The following FBXL17 variants were observed in gnomAD, a reference collection of about 807,000 sequenced individuals.
The protein encoded by FBXL17 is F-box/LRR-repeat protein 17.
A neutral mutation model predicts 66.2 loss-of-function variants in FBXL17; 22 were observed. That is an observed-to-expected ratio of 0.33 (90% CI 0.24 to 0.47). The LOEUF (loss-of-function observed/expected upper bound fraction) is 0.47. FBXL17 is among the 20% of genes least tolerant of loss of function. The pLI is 1.00. For synonymous variants in FBXL17, 474 were observed against 400.5 expected (o/e 1.18, Z -2.19); for missense variants, 878 against 948.2 (o/e 0.93, Z 0.97).
intron 7 of FBXL17, among the ~76,000 whole-genome samples, chr5:108,004,788 A>T (rs919081487): frequency 1.3e-5 from 2 of 152,162 alleles, no homozygotes; most frequent in African/African-American, 4.8e-5. Flanking sequence ...CTTCTTCATA[A>T]TCTCGGAACC....
intron 7 of FBXL17, among the ~76,000 whole-genome samples, chr5:107,898,026 T>A (rs1749440667): frequency 6.6e-6 from 1 of 152,098 alleles, no homozygotes; most frequent in Non-Finnish European, 1.5e-5. Context: ...TTAACAGAAA[T>A]GAAGATAAGT....
At chr5:108,004,797 C>T (rs1252800310) in intron 7 of FBXL17, among the ~76,000 whole-genome samples, 1 of 152,110 alleles carries the variant, frequency 6.6e-6, no homozygotes, top group Non-Finnish European at 1.5e-5. Context: ...AATCTCGGAA[C>T]CAATAATCAA....
intron 7 of FBXL17, among the ~76,000 whole-genome samples, chr5:107,954,881 G>A (rs558551737): frequency 1.4e-3 from 215 of 152,198 alleles, no homozygotes; most frequent in African/African-American, 4.4e-3. Context: ...AAGAACTATA[G>A]GTTGCAAAAT....
chr5:108,182,198 A>C (rs1273790191), intron 6 of FBXL17, among the ~76,000 whole-genome samples: 2 of 152,198 alleles, frequency 1.3e-5, no homozygotes, highest in African/African-American at 4.8e-5. Context: ...TAGGGGGCTA[A>C]TAAATGCTTT....
chr5:108,165,347 T>C (rs907447253), intron 6 of FBXL17, among the ~76,000 whole-genome samples: 7 of 145,678 alleles, frequency 4.8e-5, no homozygotes, highest in East Asian at 2.1e-4. Context: ...ATGTAAACAG[T>C]GGAAATCTCT....
chr5:107,880,924 A>T (rs1356599724), intron 8 of FBXL17, 113 bp downstream of exon 8: 15 of 1,521,510 alleles, frequency 9.9e-6, no homozygotes, highest in Non-Finnish European at 1.3e-5. Context: ...TATAAAATGT[A>T]TATATAATAT....
intron 6 of FBXL17, among the ~76,000 whole-genome samples, chr5:108,119,269 G>A (rs34384): frequency 0.031 from 4,653 of 152,282 alleles, 87 homozygotes; most frequent in Non-Finnish European, 0.043. Context: ...CATGTCCTGA[G>A]GTTGTGCAAG....
chr5:108,177,771 T>C (rs1752845335), intron 6 of FBXL17, among the ~76,000 whole-genome samples: 1 of 151,782 alleles, frequency 6.6e-6, no homozygotes, highest in African/African-American at 2.4e-5. Flanking sequence ...TGTTTGAAAA[T>C]AGGGATAATT....
At chr5:108,036,696 G>A (rs941733468) in intron 6 of FBXL17, among the ~76,000 whole-genome samples, 3 of 151,906 alleles carry the variant, frequency 2.0e-5, no homozygotes, top group South Asian at 2.1e-4. Flanking sequence ...TGACTTTTCC[G>A]GCTACCATTC....
intron 6 of FBXL17, among the ~76,000 whole-genome samples, chr5:108,048,342 G>T (rs1747337066): frequency 1.3e-5 from 2 of 152,168 alleles, no homozygotes; most frequent in African/African-American, 4.8e-5. Flanking sequence ...ACAAACTCAT[G>T]AAGATGAGAA....
At chr5:107,871,761 AAAC>A (rs1228601033) in intron 8 of FBXL17, among the ~76,000 whole-genome samples, 16 of 152,182 alleles carry the variant, frequency 1.1e-4, no homozygotes, top group African/African-American at 2.9e-4. Context: ...AAAAAAAAAA[AAAC>A]AACAACAACT....
At chr5:108,096,930 C>A (rs1463144985) in intron 6 of FBXL17, among the ~76,000 whole-genome samples, 1 of 152,150 alleles carries the variant, frequency 6.6e-6, no homozygotes, top group African/African-American at 2.4e-5. Flanking sequence ...CATGTAAAGG[C>A]ACATGCATGG....
At chr5:108,357,310 T>C (rs993605620) in intron 3 of FBXL17, among the ~76,000 whole-genome samples, 3 of 152,042 alleles carry the variant, frequency 2.0e-5, no homozygotes, top group African/African-American at 7.2e-5. Flanking sequence ...TAATATGTAT[T>C]CATCTCACAA....
intron 7 of FBXL17, among the ~76,000 whole-genome samples, chr5:107,991,140 C>T (rs910605370): frequency 6.6e-6 from 1 of 152,114 alleles, no homozygotes; most frequent in Non-Finnish European, 1.5e-5. Context: ...ACTGTACCTC[C>T]AGAAAGATAA....
At chr5:108,280,025 G>C (rs957600995) in intron 4 of FBXL17, among the ~76,000 whole-genome samples, 1 of 152,068 alleles carries the variant, frequency 6.6e-6, no homozygotes, top group Admixed American at 6.5e-5. Flanking sequence ...AGGAAAAAGA[G>C]AGATCAAAAA....
intron 5 of FBXL17, among the ~76,000 whole-genome samples, chr5:108,220,546 C>T (rs1320286329): frequency 3.3e-5 from 5 of 152,096 alleles, no homozygotes; most frequent in South Asian, 4.2e-4. Context: ...GCCCCTGTTA[C>T]GCCACCTAAG....
intron 4 of FBXL17, among the ~76,000 whole-genome samples, chr5:108,323,308 T>C (rs1485622653): frequency 6.6e-6 from 1 of 151,424 alleles, no homozygotes; most frequent in Non-Finnish European, 1.5e-5. Flanking sequence ...TAAACACTTA[T>C]AAGGAACAAT....
chr5:107,914,810 T>C (rs1750073699), intron 7 of FBXL17, among the ~76,000 whole-genome samples: 1 of 152,290 alleles, frequency 6.6e-6, no homozygotes, highest in South Asian at 2.1e-4. Flanking sequence ...GTGGAAGGAA[T>C]TGGAGAAAAA....
chr5:108,153,272 A>G (rs1751839909), intron 6 of FBXL17, among the ~76,000 whole-genome samples: 1 of 152,198 alleles, frequency 6.6e-6, no homozygotes, highest in East Asian at 1.9e-4. Flanking sequence ...TAGCATATAA[A>G]TTGAATCTTG....
Sources: allele counts gnomAD v4.1 joint callset (sites outside exome capture counted in the v4.1 genomes callset), GRCh38; gene constraint gnomAD v4.1.1; transcripts MANE v1.5; gene names NCBI Gene and HGNC (gene_info 2026-07-23, HGNC 2026-07-21).